The following ACTR5 variants were observed in gnomAD, a reference collection of about 807,000 sequenced individuals.
ACTR5 encodes the protein actin related protein 5, also known as actin-related protein 5.
In ACTR5, 43 loss-of-function variants were observed where a neutral mutation model predicts 61.2. The observed-to-expected ratio is 0.70, with a 90% CI of 0.55 to 0.91. The LOEUF (loss-of-function observed/expected upper bound fraction) is 0.91, where lower values mean the gene tolerates loss of function less well. Ranked by LOEUF, ACTR5 falls within the 40% of genes least tolerant of loss-of-function variation. ACTR5 has a pLI of 0.00. For missense variants in ACTR5, 798 were observed against 782.2 expected (o/e 1.02, Z -0.24); for synonymous variants, 333 against 310.5 (o/e 1.07, Z -0.76).
chr20:38,753,701 T>A (rs924967083), intron 3 of ACTR5, among the ~76,000 whole-genome samples: 6 of 152,088 alleles, frequency 3.9e-5, no homozygotes, highest in Admixed American at 1.3e-4. Flanking sequence ...GGATGATTTT[T>A]AAAAAAAATC....
intron 2 of ACTR5, among the ~76,000 whole-genome samples, chr20:38,751,606 TTTC>T (rs1289332804): frequency 6.6e-6 from 1 of 152,228 alleles, no homozygotes; most frequent in African/African-American, 2.4e-5. Context: ...TGCCACTTAC[TTTC>T]TCACATTAGG....
chr20:38,758,317 C>A (rs549756200), intron 5 of ACTR5, among the ~76,000 whole-genome samples: 1 of 152,080 alleles, frequency 6.6e-6, no homozygotes, highest in African/African-American at 2.4e-5. Context: ...TTTGAAATGC[C>A]GGACTGCAAA....
chr20:38,750,333 A>G, intron 2 of ACTR5, 94 bp downstream of exon 2: 1 of 1,080,514 alleles, frequency 9.3e-7, no homozygotes, highest in South Asian at 1.5e-5. Context: ...AGAAAGAGCA[A>G]GTACTAGCCT....
rs748244872 is a variant in ACTR5 at position 38,771,790 on chromosome 20, G to A, written c.1798G>A (p.Gly600Arg). The A allele has an allele frequency of 1.2e-6, 2 of 1,613,138 alleles. No individual in the cohort carries two copies. The highest frequency in any genetic ancestry group is 2.2e-5 in the South Asian group (2 of 90,994). The change falls in exon 9 of 9, where the codon GGA (glycine) becomes AGA (arginine). Residue 600 changes from glycine (G) to arginine (R), a missense_variant. Gly to Arg is a moderately radical substitution (Grantham distance 125). Coordinates refer to ENST00000243903, the MANE Select transcript of ACTR5 (RefSeq NM_024855.4). ...ATCCAGCAAGGGCTCCGCTGCTGGTGGAGGTGGTGCTGGTGAGCAGGCATA... is the reference window on the plus strand; with the variant it reads ...ATCCAGCAAGGGCTCCGCTGCTGGTAGAGGTGGTGCTGGTGAGCAGGCATA... Reference protein sequence around the residue: ...QASSKGSAAGGGGAGEQA With the variant: ...QASSKGSAAGRGGAGEQA
At position 38,748,859 on chromosome 20, in the gene ACTR5, G is replaced by C; in HGVS notation, c.375+6G>C. 1 of 1,603,800 alleles carries C rather than the reference G, an allele frequency of 6.2e-7. No individual in the cohort carries two copies. Among genetic ancestry groups the C allele is most frequent in the Non-Finnish European group, 8.5e-7 (1 of 1,176,400 alleles). On this transcript the variant is annotated splice_donor_region_variant and intron_variant, in intron 1 of 8. Transcript: ENST00000243903. The stretch of plus-strand genomic sequence containing the variant: ...ACCTGGGTGTCTCCTCACAGGTGAA[G>C]GGCGGAGTAGGCTGGGCTGGGCTGG...
chr20:38,769,283 C>T (rs189700534), intron 8 of ACTR5, among the ~76,000 whole-genome samples: 1 of 152,308 alleles, frequency 6.6e-6, no homozygotes, highest in African/African-American at 2.4e-5. Context: ...TTACAAGATC[C>T]ACCTCTTGTA....
Position 38,748,686 on chromosome 20 carries a change from G to GGC in ACTR5, c.210_211dup (p.Gly71AlafsTer63). ...CCGCGCGGTGTGCGCCCGCGGTCGT[G>GGC]GCGGGGCACGGGGCGCGTCGGGCCC... On this transcript the variant is annotated frameshift_variant, in exon 1 of 9. Coordinates refer to ENST00000243903, the MANE Select transcript of ACTR5 (RefSeq NM_024855.4). LOFTEE classifies it high-confidence loss of function. 6.6e-7 allele frequency: 1 copy of GGC among 1,521,014 alleles called. No individual in the cohort carries two copies. Among genetic ancestry groups the GGC allele is most frequent in the Non-Finnish European group, 8.8e-7 (1 of 1,136,302 alleles). The allele number at this position is 1,521,014 out of a possible 1,614,324, so 94.2% of individuals were successfully genotyped here. A position where few individuals can be genotyped will look rare whatever the true frequency, so the allele number is the denominator to read the frequency against.
Position 38,771,957 on chromosome 20 carries a change from A to AAT in ACTR5, c.*141_*142insAT. On this transcript the variant is annotated 3_prime_UTR_variant, in exon 9 of 9. Transcript: ENST00000243903. ...GCAAAATGGATTTCTCCTGGGGAGAACAAAGTTAAGGGACACTGAGACCTG... is the reference window on the plus strand; with the variant it reads ...GCAAAATGGATTTCTCCTGGGGAGAAATCAAAGTTAAGGGACACTGAGACCTG... 3.1e-6 allele frequency: 4 copies of AAT among 1,277,216 alleles called. No homozygotes were observed. Among genetic ancestry groups the AAT allele is most frequent in the Non-Finnish European group, 4.2e-6 (4 of 950,564 alleles). 79.1% of individuals were successfully genotyped at this position (1,277,216 alleles called of 1,614,324 possible). A position where few individuals can be genotyped will look rare whatever the true frequency, so the allele number is the denominator to read the frequency against.
rs569777431 is a variant in ACTR5, at chr20:38,758,750, T to C, written c.1176+2711T>C. Among the ~76,000 whole-genome samples the C allele has an allele frequency of 1.3e-5, 2 of 152,334 alleles. 1 individual carries two copies. The highest frequency in any genetic ancestry group is 4.1e-4 in the South Asian group (2 of 4,826). On this transcript the variant is annotated intron_variant, in intron 5 of 8. Transcript: ENST00000243903. ...TGATCAGAGTCAATTACAGTCACAT[T>C]TGTGGGATAAACTTGACCATGACAA... is the stretch of plus-strand genomic sequence containing the variant.
At chr20:38,754,309 G>A (rs1430031178) in intron 3 of ACTR5, among the ~76,000 whole-genome samples, 1 of 152,072 alleles carries the variant, frequency 6.6e-6, no homozygotes, top group Non-Finnish European at 1.5e-5. Flanking sequence ...AGGCCTGCTG[G>A]CATTATGTCC....
At chr20:38,755,290 G>A in intron 4 of ACTR5, 116 bp downstream of exon 4, 1 of 1,149,030 alleles carries the variant, frequency 8.7e-7, no homozygotes, top group Non-Finnish European at 1.2e-6. Context: ...CACCTTTGGG[G>A]TCACGAAGGA....
chr20:38,750,457 C>A (rs1601192542), intron 2 of ACTR5, among the ~76,000 whole-genome samples: 1 of 152,270 alleles, frequency 6.6e-6, no homozygotes, highest in East Asian at 1.9e-4. Context: ...GGTGGATGAT[C>A]TCTTAGTTCC....
intron 8 of ACTR5, among the ~76,000 whole-genome samples, chr20:38,770,469 T>G (rs953003436): frequency 6.6e-6 from 1 of 152,362 alleles, no homozygotes; most frequent in Admixed American, 6.5e-5. Flanking sequence ...AAAAAGAGAT[T>G]GGTGATAGCT....
At position 38,771,781 on chromosome 20, in the gene ACTR5, G is replaced by A. The variant is rs768710902; in HGVS notation, c.1789G>A (p.Ala597Thr). The A allele has an allele frequency of 1.6e-5, 26 of 1,613,262 alleles. No homozygotes were observed. Among genetic ancestry groups the A allele is most frequent in the Admixed American group, 1.5e-4 (9 of 59,978 alleles). ...SDAQASSKGS[A>T]AGGGGAGEQA The stretch of plus-strand genomic sequence containing the variant: ...TGCCCAGGCATCCAGCAAGGGCTCC[G>A]CTGCTGGTGGAGGTGGTGCTGGTGA... The change falls in exon 9 of 9, where the codon GCT becomes ACT. Residue 597 changes from alanine (A) to threonine (T), a missense_variant. Transcript: ENST00000243903.
Position 38,748,849 on chromosome 20 carries a change from C to T in ACTR5, c.371C>T (p.Ser124Leu), listed in dbSNP as rs774073168. ...AGCTTCCAGCACCTGGGTGTCTCCT[C>T]ACAGGTGAAGGGCGGAGTAGGCTGG... ...DYSFQHLGVS[S>L]QGCVDHPIVL... The change falls in exon 1 of 9, where the codon TCA becomes TTA. Residue 124 changes from serine to leucine, a missense_variant. By Grantham distance (145) the Ser-to-Leu change is moderately radical. Coordinates refer to ENST00000243903, the MANE Select transcript of ACTR5 (RefSeq NM_024855.4). 5.0e-6 allele frequency: 8 copies of T among 1,606,096 alleles called. No homozygotes were observed. The highest frequency in any genetic ancestry group is 2.3e-5 in the East Asian group (1 of 44,252).
Position 38,748,694 on chromosome 20 carries a change from A to T in ACTR5, c.216A>T (p.Ala72=). The change falls in exon 1 of 9, where the codon GCA becomes GCT. Residue 72 remains alanine, a synonymous_variant. Coordinates refer to ENST00000243903, the MANE Select transcript of ACTR5 (RefSeq NM_024855.4). ...TGTGCGCCCGCGGTCGTGGCGGGGC[A>T]CGGGGCGCGTCGGGCCCGCAGGTGG... ...RAVCARGRGG[A]RGASGPQVGN... The T allele has an allele frequency of 6.6e-7, 1 of 1,521,650 alleles. No individual in the cohort carries two copies. Among genetic ancestry groups the T allele is most frequent in the Non-Finnish European group, 8.8e-7 (1 of 1,136,252 alleles). The allele number at this position is 1,521,650 out of a possible 1,614,324, so 94.3% of individuals were successfully genotyped here.
intron 5 of ACTR5, among the ~76,000 whole-genome samples, chr20:38,759,794 G>A (rs1478833894): frequency 1.3e-5 from 2 of 152,166 alleles, no homozygotes; most frequent in Non-Finnish European, 2.9e-5. Context: ...GTAATGAAGC[G>A]TAGCAGGTAT....
intron 5 of ACTR5, among the ~76,000 whole-genome samples, chr20:38,764,206 G>C (rs1036218057): frequency 4.6e-5 from 7 of 152,154 alleles, no homozygotes; most frequent in South Asian, 2.1e-4. Flanking sequence ...CGAGAGTAAG[G>C]AGAGACTCAG....
chr20:38,755,870 A>G lies in ACTR5; in HGVS notation c.1007A>G (p.Asp336Gly). 1.2e-6 allele frequency: 2 copies of G among 1,613,778 alleles called. No homozygotes were observed. Among genetic ancestry groups the G allele is most frequent in the Non-Finnish European group, 8.5e-7 (1 of 1,179,798 alleles). The change falls in exon 5 of 9, where the codon GAT (aspartate) becomes GGT (glycine). Residue 336 changes from aspartate to glycine, a missense_variant. Coordinates refer to ENST00000243903, the MANE Select transcript of ACTR5 (RefSeq NM_024855.4). Reference sequence around the variant, plus strand: ...CTCTGTTTTCAGGAACTTCTAGAGGATGGCCAGATGGATCAGTTTCACAAA... The same window carrying G: ...CTCTGTTTTCAGGAACTTCTAGAGGGTGGCCAGATGGATCAGTTTCACAAA... ...RLLYVQELLE[D>G]GQMDQFHKAL...
Sources: gnomAD v4.1 joint callset for allele counts (sites outside exome capture counted in the v4.1 genomes callset) on GRCh38, gnomAD v4.1.1 for gene constraint, MANE v1.5 for transcripts, NCBI Gene and HGNC (gene_info 2026-07-23, HGNC 2026-07-21) for gene names.